AGTPBP1: variants seen among roughly 807,000 people sequenced by gnomAD.
AGTPBP1 encodes the protein cytosolic carboxypeptidase 1.
Under a neutral mutation model 143.9 loss-of-function variants are expected in AGTPBP1, and 70 were observed. That is an observed-to-expected ratio of 0.49 (90% CI 0.40 to 0.59). The LOEUF is 0.59. Ranked by LOEUF, AGTPBP1 falls within the 20% of genes least tolerant of loss-of-function variation. The pLI is 0.00. For synonymous variants in AGTPBP1, 463 were observed against 500.2 expected, an observed-to-expected ratio of 0.93 and a Z score of 0.99; for missense variants, 1,229 against 1,464.5, an observed-to-expected ratio of 0.84 and a Z score of 2.62.
chr9:85,685,559 G>C (rs771663662), intron 3 of AGTPBP1, among the ~76,000 whole-genome samples: 2 of 151,716 alleles, frequency 1.3e-5, no homozygotes, highest in African/African-American at 4.8e-5. Context: ...TTCAAAAATG[G>C]TGAAATAAAT....
chr9:85,778,386 C>T, the AGTPBP1 span, among the ~76,000 whole-genome samples: 2 of 152,194 alleles, frequency 1.3e-5, no homozygotes, highest in Non-Finnish European at 2.9e-5. Context: ...GCTCCAAAAT[C>T]CTAGAGGCCT....
chr9:85,761,162 T>C, the AGTPBP1 span, among the ~76,000 whole-genome samples: 1 of 152,100 alleles, frequency 6.6e-6, no homozygotes, highest in Admixed American at 6.6e-5. Context: ...TACTCATGGG[T>C]AGGAAGAATC....
intron 13 of AGTPBP1, among the ~76,000 whole-genome samples, chr9:85,633,698 T>G (rs541988245): frequency 6.6e-6 from 1 of 152,338 alleles, no homozygotes; most frequent in East Asian, 1.9e-4. Flanking sequence ...GTGTCTGTTT[T>G]GTGCAATATT....
upstream of AGTPBP1, among the ~76,000 whole-genome samples, chr9:85,743,071 G>T (rs1230635383): frequency 6.6e-6 from 1 of 152,036 alleles, no homozygotes; most frequent in Non-Finnish European, 1.5e-5. Flanking sequence ...TTCCCTCATC[G>T]TGAGCACTAA....
chr9:85,670,780 C>T (rs1046964757), intron 7 of AGTPBP1, among the ~76,000 whole-genome samples: 10 of 152,090 alleles, frequency 6.6e-5, no homozygotes, highest in African/African-American at 2.4e-4. Flanking sequence ...CAATAAAATG[C>T]CACCAAAAAT....
At chr9:85,562,756 C>A (rs1826823387) in intron 25 of AGTPBP1, among the ~76,000 whole-genome samples, 1 of 152,110 alleles carries the variant, frequency 6.6e-6, no homozygotes, top group Non-Finnish European at 1.5e-5. Flanking sequence ...ATGCAAAAAA[C>A]CTGATGGTTC....
intron 2 of AGTPBP1, among the ~76,000 whole-genome samples, chr9:85,696,488 T>C (rs1805815066): frequency 6.6e-6 from 1 of 151,968 alleles, no homozygotes; most frequent in Non-Finnish European, 1.5e-5. Context: ...GTCAACACGG[T>C]GAAACCCCAT....
rs1175491035 is a variant in AGTPBP1, at chr9:85,547,117, G to A, written c.3673C>T (p.Leu1225=). 1 of 1,607,002 alleles carries A rather than the reference G, an allele frequency of 6.2e-7. No homozygotes were observed. The highest frequency in any genetic ancestry group is 1.1e-5 in the South Asian group (1 of 89,870). Reference sequence around the variant, plus strand: ...AAGAGATGGCAGCGGGCTCAAGGTAGGTATGTTCTTGATAATTCAGAGTCA... The same window carrying A: ...AAGAGATGGCAGCGGGCTCAAGGTAAGTATGTTCTTGATAATTCAGAGTCA... ...LSDSELSRTY[L]P is the part of the protein sequence containing the mutation. The change falls in exon 26 of 26, where the codon CTA becomes TTA. Residue 1225 remains leucine, a synonymous_variant. Transcript: ENST00000357081.
At chr9:85,752,109 C>T in the AGTPBP1 span, among the ~76,000 whole-genome samples, 36 of 151,898 alleles carry the variant, frequency 2.4e-4, no homozygotes, top group African/African-American at 8.2e-4. Context: ...TGGTGGCATA[C>T]GCCTATAATA....
At chr9:85,769,311 A>G in the AGTPBP1 span, among the ~76,000 whole-genome samples, 2 of 152,184 alleles carry the variant, frequency 1.3e-5, no homozygotes, top group South Asian at 4.1e-4. Flanking sequence ...ATACGGAAAC[A>G]TATATCCAAA....
At chr9:85,711,224 A>C (rs1220112864) in intron 2 of AGTPBP1, among the ~76,000 whole-genome samples, 1 of 152,182 alleles carries the variant, frequency 6.6e-6, no homozygotes, top group Non-Finnish European at 1.5e-5. Flanking sequence ...ATTATCATTA[A>C]AGTAATTGTT....
chr9:85,751,074 T>C, the AGTPBP1 span, among the ~76,000 whole-genome samples: 1 of 152,188 alleles, frequency 6.6e-6, no homozygotes, highest in Non-Finnish European at 1.5e-5. Context: ...TGCACTGCAG[T>C]CTGCATTTTC....
intron 23 of AGTPBP1, among the ~76,000 whole-genome samples, chr9:85,581,246 G>A (rs1828240730): frequency 6.6e-6 from 1 of 152,150 alleles, no homozygotes; most frequent in Non-Finnish European, 1.5e-5. Flanking sequence ...TAGGAAGAGA[G>A]GCACTGTGAC....
intron 17 of AGTPBP1, among the ~76,000 whole-genome samples, chr9:85,611,646 T>C (rs892895105): frequency 3.7e-4 from 57 of 152,252 alleles, no homozygotes; most frequent in African/African-American, 1.3e-3. Context: ...TAAACAAGGA[T>C]ATAGAAAGTT....
chr9:85,758,222 C>T, the AGTPBP1 span, among the ~76,000 whole-genome samples: 2 of 152,062 alleles, frequency 1.3e-5, no homozygotes, highest in Non-Finnish European at 2.9e-5. Context: ...AACTCAGAGA[C>T]ATTAGAGATA....
At chr9:85,616,765 T>A (rs1010531982) in intron 17 of AGTPBP1, among the ~76,000 whole-genome samples, 1 of 151,974 alleles carries the variant, frequency 6.6e-6, no homozygotes, top group Non-Finnish European at 1.5e-5. Flanking sequence ...AGGTAATTTT[T>A]AAAGTTAATT....
chr9:85,794,188 C>T, the AGTPBP1 span, among the ~76,000 whole-genome samples: 1 of 152,104 alleles, frequency 6.6e-6, no homozygotes, highest in Non-Finnish European at 1.5e-5. Context: ...AAATGCTCTT[C>T]TAATGTATGC....
chr9:85,672,446 TC>T, intron 7 of AGTPBP1, 103 bp downstream of exon 7: 1 of 1,312,928 alleles, frequency 7.6e-7, no homozygotes, highest in Non-Finnish European at 1.0e-6. Flanking sequence ...ATCTTCTCTT[TC>T]CTTTTTCACA....
chr9:85,701,140 G>A (rs994671525), intron 2 of AGTPBP1, among the ~76,000 whole-genome samples: 2 of 151,772 alleles, frequency 1.3e-5, no homozygotes, highest in African/African-American at 4.8e-5. Context: ...TTGAACTCCT[G>A]GCCTCAAGTG....
Sources: allele counts gnomAD v4.1 joint callset (sites outside exome capture counted in the v4.1 genomes callset), GRCh38; gene constraint gnomAD v4.1.1; transcripts MANE v1.5; gene names NCBI Gene and HGNC (gene_info 2026-07-23, HGNC 2026-07-21).